The following TBL1Y variants were observed in gnomAD, a reference collection of about 807,000 sequenced individuals.
TBL1Y encodes the protein F-box-like/WD repeat-containing protein TBL1Y.
A neutral mutation model predicts 12.0 loss-of-function variants in TBL1Y; 15 were observed. The observed-to-expected ratio is 1.25, with a 90% CI of 0.83 to 1.92. The LOEUF (loss-of-function observed/expected upper bound fraction) is 1.92. Among genes scored for constraint, TBL1Y ranks in the 40% most tolerant of loss-of-function variants. The probability of loss-of-function intolerance (pLI) is 0.00; values close to 1 mark genes in which losing one functional copy is unlikely to be tolerated. For missense variants in TBL1Y, 148 were observed against 116.7 expected (o/e 1.27, Z -1.24); for synonymous variants, 53 against 42.6 (o/e 1.24, Z -0.95).
intron 2 of TBL1Y, among the ~76,000 whole-genome samples, chrY:6,945,090 G>GT (rs528484339): frequency 2.7e-4 from 6 of 22,163 alleles, no homozygotes; most frequent in South Asian, 1.1e-3. Flanking sequence ...CTCTGCTCTT[G>GT]TTTTTTTTCC....
intron 2 of TBL1Y, among the ~76,000 whole-genome samples, chrY:6,954,111 C>G: frequency 2.9e-5 from 1 of 34,073 alleles, no homozygotes. Flanking sequence ...TCTCAGGCTA[C>G]TCGGGGGTCA....
At chrY:7,003,628 C>G (rs774594252) in intron 4 of TBL1Y, among the ~76,000 whole-genome samples, 7 of 33,267 alleles carry the variant, frequency 2.1e-4, no homozygotes, top group African/African-American at 8.3e-4. Context: ...CTGGAAGAAG[C>G]CTTTTAGAAC....
At chrY:7,047,703 T>C in intron 7 of TBL1Y, among the ~76,000 whole-genome samples, 2 of 32,636 alleles carry the variant, frequency 6.1e-5, no homozygotes, top group African/African-American at 2.4e-4. Flanking sequence ...TGCTTTAACA[T>C]GAAAATCCAA....
chrY:6,966,642 G>A (rs986407867), intron 2 of TBL1Y, among the ~76,000 whole-genome samples: 11 of 33,174 alleles, frequency 3.3e-4, no homozygotes, highest in Admixed American at 2.8e-3. Flanking sequence ...GTGTTTGCAC[G>A]TGTGTATGTA....
intron 2 of TBL1Y, among the ~76,000 whole-genome samples, chrY:6,917,650 C>T: frequency 6.1e-5 from 2 of 32,801 alleles, no homozygotes; most frequent in Non-Finnish European, 1.5e-4. Context: ...ATGAGGTCAG[C>T]GGGTGTCACA....
At chrY:6,975,865 A>G in intron 2 of TBL1Y, among the ~76,000 whole-genome samples, 2 of 32,478 alleles carry the variant, frequency 6.2e-5, no homozygotes, top group Non-Finnish European at 1.5e-4. Flanking sequence ...GCTGAGGAAC[A>G]GTTTCCTCTA....
chrY:7,062,531 A>G, intron 7 of TBL1Y, among the ~76,000 whole-genome samples: 2 of 33,273 alleles, frequency 6.0e-5, no homozygotes, highest in Admixed American at 2.7e-4. Context: ...TTGGGGGGAT[A>G]TCTTTGTTAC....
intron 6 of TBL1Y, among the ~76,000 whole-genome samples, chrY:7,026,282 C>T (rs759606833): frequency 2.4e-3 from 80 of 33,707 alleles, no homozygotes; most frequent in Non-Finnish European, 4.8e-3. Context: ...TTTTGTCAGA[C>T]GCAGTATAAG....
intron 2 of TBL1Y, among the ~76,000 whole-genome samples, chrY:6,925,050 G>T: frequency 8.8e-5 from 3 of 34,109 alleles, no homozygotes; most frequent in Admixed American, 2.6e-4. Flanking sequence ...CACACTGGTG[G>T]TTCTGTCCCA....
chrY:6,911,098 A>T, intron 1 of TBL1Y, 116 bp downstream of exon 1: 2 of 35,966 alleles, frequency 5.6e-5, no homozygotes, highest in Non-Finnish European at 1.4e-4. Flanking sequence ...GCTCGCCACG[A>T]ACTCCTGGAG....
chrY:6,930,549 G>A (rs2011857548), intron 2 of TBL1Y, among the ~76,000 whole-genome samples: 1 of 33,218 alleles, frequency 3.0e-5, no homozygotes, highest in Admixed American at 2.7e-4. Flanking sequence ...TCTGAGTGGG[G>A]TGGGGACTTG....
chrY:6,999,616 A>T, intron 4 of TBL1Y, among the ~76,000 whole-genome samples: 1 of 25,684 alleles, frequency 3.9e-5, no homozygotes, highest in East Asian at 1.2e-3. Flanking sequence ...GAAGTAGAAT[A>T]TGAAAGAGGA....
At chrY:7,030,677 A>G (rs2012649150) in intron 6 of TBL1Y, among the ~76,000 whole-genome samples, 1 of 33,634 alleles carries the variant, frequency 3.0e-5, no homozygotes. Flanking sequence ...CCCCACCTAT[A>G]TATTTAACTT....
chrY:7,011,199 G>A, intron 4 of TBL1Y, among the ~76,000 whole-genome samples: 1 of 33,410 alleles, frequency 3.0e-5, no homozygotes, highest in Non-Finnish European at 7.4e-5. Flanking sequence ...TGGTGGGACC[G>A]TCCTGTTCAC....
At position 6,916,435 on chromosome Y, in the gene TBL1Y, GAAAAAAA is replaced by G. The variant is rs377662621; in HGVS notation, c.-266+4280_-266+4286del. The stretch of plus-strand genomic sequence containing the variant: ...CTGATGACAGTGAGACCCTGTCTCC[GAAAAAAA>G]AAAAAAAAAAAAAAAAGCCTCTAAT... On this transcript the variant is annotated intron_variant, in intron 2 of 18. Coordinates refer to ENST00000383032, the MANE Select transcript of TBL1Y (RefSeq NM_033284.2). Among the ~76,000 whole-genome samples the G allele has an allele frequency of 8.7e-4, 3 of 3,466 alleles. No individual in the cohort carries two copies. In the East Asian group the frequency reaches 0.018, roughly 21 times the overall value. 9.3% of individuals were successfully genotyped at this position (3,466 alleles called of 37,273 possible). A position where few individuals can be genotyped will look rare whatever the true frequency, so the allele number is the denominator to read the frequency against.
At chrY:7,024,057 T>C (rs2012598418) in intron 5 of TBL1Y, among the ~76,000 whole-genome samples, 1 of 33,723 alleles carries the variant, frequency 3.0e-5, no homozygotes, top group African/African-American at 1.2e-4. Flanking sequence ...GCTTCATCCA[T>C]ATCCCTGCAA....
chrY:7,064,229 C>A, intron 8 of TBL1Y, 80 bp downstream of exon 8: 1 of 326,293 alleles, frequency 3.1e-6, no homozygotes, highest in Non-Finnish European at 4.5e-6. Context: ...GTCTGAATGC[C>A]TTCTTAAAAA....
At chrY:7,039,442 G>A (rs2012711465) in intron 6 of TBL1Y, among the ~76,000 whole-genome samples, 1 of 32,981 alleles carries the variant, frequency 3.0e-5, no homozygotes. Flanking sequence ...GGAATGTGCA[G>A]GGGAGCTTGC....
At chrY:7,020,676 TATC>T (rs2012578397) in intron 4 of TBL1Y, among the ~76,000 whole-genome samples, 1 of 33,794 alleles carries the variant, frequency 3.0e-5, no homozygotes, top group Non-Finnish European at 7.3e-5. Context: ...AGCTGGTAAA[TATC>T]ATTAAATGGT....
Sources: allele counts gnomAD v4.1 joint callset (sites outside exome capture counted in the v4.1 genomes callset), GRCh38; gene constraint gnomAD v4.1.1; transcripts MANE v1.5; gene names NCBI Gene and HGNC (gene_info 2026-07-23, HGNC 2026-07-21).